The following IRAK2 variants were observed in gnomAD, a reference collection of about 807,000 sequenced individuals.
IRAK2 encodes interleukin-1 receptor-associated kinase-like 2.
IRAK2 carries 57 observed loss-of-function variants against 72.0 expected under a neutral mutation model. That is an observed-to-expected ratio of 0.79 (90% confidence interval 0.64 to 0.99). The LOEUF (loss-of-function observed/expected upper bound fraction) is 0.99, where lower values mean the gene tolerates loss of function less well. Ranked by LOEUF, IRAK2 falls within the 50% of genes least tolerant of loss-of-function variation. The pLI, the probability that IRAK2 is intolerant of heterozygous loss-of-function variation, is 0.00. For synonymous variants in IRAK2, 293 were observed against 312.7 expected, an observed-to-expected ratio of 0.94 and a Z score of 0.67; for missense variants, 790 against 794.4, an observed-to-expected ratio of 0.99 and a Z score of 0.07.
chr3:10,217,350 C>G (rs952434905), intron 7 of IRAK2, among the ~76,000 whole-genome samples: 16 of 152,142 alleles, frequency 1.1e-4, no homozygotes, highest in African/African-American at 3.9e-4. Context: ...CAGGAAAAAT[C>G]TATAAAAAAT....
chr3:10,224,512 G>T (rs947664967), intron 9 of IRAK2, among the ~76,000 whole-genome samples: 5 of 137,180 alleles, frequency 3.6e-5, no homozygotes, highest in Non-Finnish European at 7.8e-5. Context: ...TATATAAGCA[G>T]GTGAGCATGG....
intron 1 of IRAK2, among the ~76,000 whole-genome samples, chr3:10,167,462 T>C (rs1408596860): frequency 6.6e-6 from 1 of 152,020 alleles, no homozygotes; most frequent in African/African-American, 2.4e-5. Context: ...TCACCCAGGC[T>C]GGAGTGCAGT....
At chr3:10,165,738 T>TG (rs1696674808) in intron 1 of IRAK2, among the ~76,000 whole-genome samples, 1 of 146,630 alleles carries the variant, frequency 6.8e-6, no homozygotes, top group Non-Finnish European at 1.5e-5. Context: ...TTTTTTTTTT[T>TG]TTTTTTTTTT....
intron 2 of IRAK2, among the ~76,000 whole-genome samples, chr3:10,182,937 A>C (rs1696984114): frequency 6.6e-6 from 1 of 151,186 alleles, no homozygotes; most frequent in African/African-American, 2.4e-5. Context: ...CATCTGGTTA[A>C]GTTTTTGAAT....
chr3:10,203,484 G>A (rs1697394799), intron 3 of IRAK2, among the ~76,000 whole-genome samples: 1 of 152,200 alleles, frequency 6.6e-6, no homozygotes, highest in Non-Finnish European at 1.5e-5. Flanking sequence ...GTTCCACTGA[G>A]CCCCAGAGTT....
Position 10,242,317 on chromosome 3 carries a change from G to C in IRAK2, c.*89G>C, listed in dbSNP as rs769211014. 4.2e-5 allele frequency: 29 copies of C among 695,112 alleles called. No individual in the cohort carries two copies. Among genetic ancestry groups the C allele is most frequent in the Non-Finnish European group, 7.1e-5 (29 of 409,776 alleles). The allele number at this position is 695,112 out of a possible 1,614,324, so 43.1% of individuals were successfully genotyped here. On this transcript the variant is annotated 3_prime_UTR_variant, in exon 13 of 13. Transcript: ENST00000256458. ...AGGTCTGAGGCAGAATCCAAGATCT[G>C]CCAGGAAACACACAACAAAACATCT...
At chr3:10,236,307 G>A (rs984460683) in intron 11 of IRAK2, among the ~76,000 whole-genome samples, 2 of 143,034 alleles carry the variant, frequency 1.4e-5, no homozygotes, top group African/African-American at 5.2e-5. Context: ...AGAAGGCTTT[G>A]TAGGCACAGT....
intron 1 of IRAK2, among the ~76,000 whole-genome samples, chr3:10,170,742 A>G (rs1696782153): frequency 6.6e-6 from 1 of 152,198 alleles, no homozygotes; most frequent in Non-Finnish European, 1.5e-5. Context: ...TGGTGTGGTG[A>G]GGATGCGGGC....
intron 2 of IRAK2, among the ~76,000 whole-genome samples, chr3:10,179,539 T>C (rs1324127685): frequency 2.0e-5 from 3 of 152,026 alleles, no homozygotes; most frequent in African/African-American, 7.2e-5. Flanking sequence ...GTTCAAGTGA[T>C]TCTCCTGCCT....
chr3:10,173,618 T>C (rs963455697), intron 1 of IRAK2, among the ~76,000 whole-genome samples: 2 of 152,058 alleles, frequency 1.3e-5, no homozygotes, highest in Non-Finnish European at 2.9e-5. Context: ...GCTCAGGAGT[T>C]TGATACCAGC....
chr3:10,223,207 C>T (rs369857267), intron 9 of IRAK2, among the ~76,000 whole-genome samples: 4 of 152,156 alleles, frequency 2.6e-5, no homozygotes, highest in East Asian at 1.9e-4. Context: ...TCCTGACTTC[C>T]GTAATTCCCA....
intron 10 of IRAK2, 43 bp from the exon 11 acceptor site, chr3:10,234,416 C>A: frequency 6.4e-7 from 1 of 1,566,006 alleles, no homozygotes; most frequent in Non-Finnish European, 8.8e-7. Context: ...GCTCTCGCAG[C>A]TCTGCAGCTC....
At chr3:10,220,074 C>T (rs1304632609) in intron 8 of IRAK2, among the ~76,000 whole-genome samples, 2 of 152,228 alleles carry the variant, frequency 1.3e-5, no homozygotes, top group Non-Finnish European at 2.9e-5. Flanking sequence ...CCACACCTTG[C>T]TGCGTCGCAC....
At chr3:10,189,542 T>G (rs1033723830) in intron 2 of IRAK2, among the ~76,000 whole-genome samples, 3 of 152,238 alleles carry the variant, frequency 2.0e-5, no homozygotes, top group Non-Finnish European at 2.9e-5. Context: ...ATTTGGGAAG[T>G]GACCAAGGTT....
Position 10,165,791 on chromosome 3 carries a change from C to T in IRAK2, c.94+743C>T, listed in dbSNP as rs1366383998. Among the ~76,000 whole-genome samples the T allele has an allele frequency of 3.5e-5, 5 of 143,880 alleles. No individual in the cohort carries two copies. In the East Asian group the frequency reaches 6.1e-4, roughly 17 times the overall value. 94.4% of individuals were successfully genotyped at this position (143,880 alleles called of 152,430 possible). A position where few individuals can be genotyped will look rare whatever the true frequency, so the allele number is the denominator to read the frequency against. The stretch of plus-strand genomic sequence containing the variant: ...TGTCGCCCAGGCTGGAGTGCAGTGG[C>T]GCGATCTAGGCTCGTTGCAAGCTCC... On this transcript the variant is annotated intron_variant, in intron 1 of 12. Coordinates refer to ENST00000256458, the MANE Select transcript of IRAK2 (RefSeq NM_001570.4).
intron 8 of IRAK2, among the ~76,000 whole-genome samples, chr3:10,221,241 A>C (rs1360785970): frequency 7.0e-6 from 1 of 141,902 alleles, no homozygotes; most frequent in Non-Finnish European, 1.5e-5. Context: ...AAATACCAAA[A>C]AAAAAAATTT....
chr3:10,182,761 ATGCCCACTAATT>A (rs894055474), intron 2 of IRAK2, among the ~76,000 whole-genome samples: 14 of 149,056 alleles, frequency 9.4e-5, no homozygotes, highest in African/African-American at 3.4e-4. Flanking sequence ...GTTCAAACAG[ATGCCCACTAATT>A]TGTTTTTTTT....
At chr3:10,175,063 C>T (rs757502844) in intron 1 of IRAK2, among the ~76,000 whole-genome samples, 1 of 151,684 alleles carries the variant, frequency 6.6e-6, no homozygotes, top group Non-Finnish European at 1.5e-5. Flanking sequence ...TGTACTCATG[C>T]CACCTGGGCA....
In IRAK2 at chr3:10,170,259, T is replaced by C. The variant is rs75963459; in HGVS notation, c.94+5211T>C. ...CATCACCTCATCTCTGAATCTGATG[T>C]TCTGGCCTCCCCCTTACAGGGACCC... On this transcript the variant is annotated intron_variant, in intron 1 of 12. Transcript: ENST00000256458. Among the ~76,000 whole-genome samples the C allele has an allele frequency of 3.2e-3, 484 of 152,338 alleles. 8 individuals carry two copies. The South Asian group carries it at 0.036, about 11-fold the overall frequency.
Sources: gnomAD v4.1 joint callset for allele counts (sites outside exome capture counted in the v4.1 genomes callset) on GRCh38, gnomAD v4.1.1 for gene constraint, MANE v1.5 for transcripts, NCBI Gene and HGNC (gene_info 2026-07-23, HGNC 2026-07-21) for gene names.